Variants in GAS2 observed in about 807,000 individuals in gnomAD.
The protein encoded by GAS2 is growth arrest specific 2.
Under a neutral mutation model 37.5 loss-of-function variants are expected in GAS2, and 20 were observed. The observed-to-expected ratio is 0.53, with a 90% CI of 0.37 to 0.77. GAS2 has a LOEUF of 0.77. Ranked by LOEUF, GAS2 falls within the 30% of genes least tolerant of loss-of-function variation. GAS2 has a pLI of 0.00. For missense variants in GAS2, 336 were observed against 373.4 expected, an observed-to-expected ratio of 0.90 and a Z score of 0.82; for synonymous variants, 144 against 132.2, an observed-to-expected ratio of 1.09 and a Z score of -0.61.
intron 7 of GAS2, among the ~76,000 whole-genome samples, chr11:22,775,439 C>T (rs1022914977): frequency 7.2e-5 from 11 of 152,068 alleles, no homozygotes; most frequent in African/African-American, 2.2e-4. Context: ...GTCCTGCAAA[C>T]GATAACAGAA....
chr11:22,793,221 C>A (rs1030056503), intron 7 of GAS2, among the ~76,000 whole-genome samples: 2 of 152,150 alleles, frequency 1.3e-5, no homozygotes, highest in African/African-American at 4.8e-5. Flanking sequence ...TTGCAGTGAA[C>A]TGAGATCGTG....
chr11:22,679,829 C>A (rs1347337861), intron 2 of GAS2, among the ~76,000 whole-genome samples: 1 of 95,674 alleles, frequency 1.0e-5, no homozygotes, highest in East Asian at 4.9e-4. Context: ...TTGAATAAAT[C>A]ATCAGATATA....
At chr11:22,728,449 G>T (rs1047862874) in intron 4 of GAS2, among the ~76,000 whole-genome samples, 1 of 151,648 alleles carries the variant, frequency 6.6e-6, no homozygotes, top group Non-Finnish European at 1.5e-5. Flanking sequence ...ATAAAATTAT[G>T]TCAGGAAGAA....
At chr11:22,780,642 G>A (rs896831885) in intron 7 of GAS2, among the ~76,000 whole-genome samples, 1 of 150,470 alleles carries the variant, frequency 6.6e-6, no homozygotes, top group Non-Finnish European at 1.5e-5. Context: ...GAAGGTAAAA[G>A]ATTGCTTCTT....
chr11:22,688,035 G>C (rs1311523740), intron 3 of GAS2, among the ~76,000 whole-genome samples: 1 of 152,212 alleles, frequency 6.6e-6, no homozygotes, highest in African/African-American at 2.4e-5. Flanking sequence ...CAGAAGCAAA[G>C]ATTCCCAAAT....
chr11:22,744,210 T>C (rs1308293339), intron 5 of GAS2, among the ~76,000 whole-genome samples: 5 of 152,182 alleles, frequency 3.3e-5, no homozygotes, highest in African/African-American at 1.2e-4. Context: ...AGCTAAATTC[T>C]ACCAGACATA....
At chr11:22,697,591 C>T (rs1361109725) in intron 3 of GAS2, among the ~76,000 whole-genome samples, 1 of 152,048 alleles carries the variant, frequency 6.6e-6, no homozygotes, top group Non-Finnish European at 1.5e-5. Flanking sequence ...GAATGTTCTT[C>T]CATTTGTTTG....
chr11:22,736,856 T>C (rs1407465929), intron 4 of GAS2, among the ~76,000 whole-genome samples: 2 of 152,074 alleles, frequency 1.3e-5, no homozygotes, highest in East Asian at 3.9e-4. Context: ...CAGTGCTGAA[T>C]AAAAGAACAT....
chr11:22,642,977 A>G (rs1047274820), intron 1 of GAS2, among the ~76,000 whole-genome samples: 5 of 152,150 alleles, frequency 3.3e-5, no homozygotes, highest in African/African-American at 1.2e-4. Context: ...CTTATTGCTC[A>G]GTGCATAGAG....
At chr11:22,664,564 C>T (rs368488390), upstream of GAS2, among the ~76,000 whole-genome samples, 7 of 152,194 alleles carry the variant, frequency 4.6e-5, no homozygotes, top group East Asian at 1.9e-4. Flanking sequence ...TGTATTTAAA[C>T]ATTTTTCATC....
intron 7 of GAS2, among the ~76,000 whole-genome samples, chr11:22,790,556 G>A (rs530280361): frequency 4.0e-5 from 6 of 151,210 alleles, no homozygotes; most frequent in African/African-American, 1.2e-4. Context: ...TCAAAGACTC[G>A]GCTGAAAGTA....
chr11:22,798,013 A>G (rs1256505525), intron 7 of GAS2, among the ~76,000 whole-genome samples: 1 of 152,104 alleles, frequency 6.6e-6, no homozygotes, highest in Non-Finnish European at 1.5e-5. Flanking sequence ...TTTAGGATGT[A>G]TAGTTGAGTG....
intron 1 of GAS2, among the ~76,000 whole-genome samples, chr11:22,635,224 A>G (rs1462274930): frequency 2.6e-5 from 4 of 151,608 alleles, no homozygotes; most frequent in Non-Finnish European, 4.4e-5. Flanking sequence ...GTGCAAAGCC[A>G]GGTGGTGGCT....
chr11:22,714,884 A>G (rs186543169), intron 3 of GAS2, among the ~76,000 whole-genome samples: 21 of 152,346 alleles, frequency 1.4e-4, no homozygotes, highest in Admixed American at 1.4e-3. Flanking sequence ...GAAAGTTCAT[A>G]GCATTAAATG....
intron 6 of GAS2, among the ~76,000 whole-genome samples, chr11:22,752,705 GA>G (rs761792836): frequency 5.3e-4 from 80 of 151,908 alleles, no homozygotes; most frequent in Admixed American, 1.8e-3. Flanking sequence ...AAAACAAGAA[GA>G]AGAAAAAAGA....
intron 5 of GAS2, among the ~76,000 whole-genome samples, chr11:22,742,972 A>G (rs1034602982): frequency 3.3e-5 from 5 of 152,078 alleles, no homozygotes; most frequent in Admixed American, 6.5e-5. Context: ...GTCTTAAGTT[A>G]CTCTAGCCTC....
chr11:22,721,836 G>A (rs1851965115), intron 3 of GAS2, among the ~76,000 whole-genome samples: 1 of 151,912 alleles, frequency 6.6e-6, no homozygotes. Flanking sequence ...CTGAATTCTT[G>A]TACCCATAAC....
chr11:22,656,086 G>T (rs1216972584), intron 1 of GAS2, among the ~76,000 whole-genome samples: 3 of 152,088 alleles, frequency 2.0e-5, no homozygotes, highest in African/African-American at 7.2e-5. Flanking sequence ...ATGAACAAAG[G>T]ACTAAAATGT....
chr11:22,652,932 A>C (rs1201044272), intron 1 of GAS2, among the ~76,000 whole-genome samples: 2 of 141,968 alleles, frequency 1.4e-5, no homozygotes, highest in South Asian at 4.4e-4. Flanking sequence ...CTATTCGGCC[A>C]TCTTGGCTCC....
Sources: allele counts gnomAD v4.1 joint callset (sites outside exome capture counted in the v4.1 genomes callset), GRCh38; gene constraint gnomAD v4.1.1; transcripts MANE v1.5; gene names NCBI Gene and HGNC (gene_info 2026-07-23, HGNC 2026-07-21).